NELL1: variants seen among roughly 807,000 people sequenced by gnomAD.
NELL1 encodes the protein neural EGFL like 1, also known as protein kinase C-binding protein NELL1.
Under a neutral mutation model 107.4 loss-of-function variants are expected in NELL1, and 76 were observed. The ratio of observed to expected loss-of-function variants is 0.71; its 90% confidence interval spans 0.59 to 0.86. NELL1 has a LOEUF of 0.86. Among genes scored for constraint, NELL1 ranks in the 40% least tolerant of loss-of-function variants. The probability of loss-of-function intolerance (pLI) is 0.00; values close to 1 mark genes in which losing one functional copy is unlikely to be tolerated. For synonymous variants in NELL1, 353 were observed against 341.2 expected (o/e 1.03, Z -0.38); for missense variants, 1,024 against 1,005.5 (o/e 1.02, Z -0.25).
At chr11:21,562,942 A>C (rs1383611239) in intron 17 of NELL1, among the ~76,000 whole-genome samples, 5 of 152,082 alleles carry the variant, frequency 3.3e-5, no homozygotes. Context: ...CCACAGATGA[A>C]TAGAGTTCAA....
chr11:21,124,251 T>TC (rs1565072179), intron 13 of NELL1, among the ~76,000 whole-genome samples: 1 of 152,090 alleles, frequency 6.6e-6, no homozygotes, highest in Admixed American at 6.6e-5. Flanking sequence ...TGAGTTTTTT[T>TC]CCCCCCGAAG....
intron 12 of NELL1, among the ~76,000 whole-genome samples, chr11:21,062,769 AG>A (rs1853772447): frequency 1.3e-5 from 2 of 152,264 alleles, no homozygotes; most frequent in South Asian, 4.1e-4. Context: ...CACAGAATTC[AG>A]GCAAGTTCTA....
chr11:21,174,832 C>T lies in NELL1; in HGVS notation c.1427-54500C>T, dbSNP rs368967196. Among the ~76,000 whole-genome samples, 29 of 151,730 alleles carry T rather than the reference C, an allele frequency of 1.9e-4. 1 individual carries two copies. Among genetic ancestry groups the T allele is most frequent in the East Asian group, 1.2e-3 (6 of 5,186 alleles). ...AATTAATTCCTATAATCTAACTCCA[C>T]TTCTGTCATTCCCTCTCCATAACTG... On this transcript the variant is annotated intron_variant, in intron 13 of 19. Transcript: ENST00000357134.
chr11:21,471,883 T>C (rs921962252), intron 15 of NELL1, among the ~76,000 whole-genome samples: 1 of 152,102 alleles, frequency 6.6e-6, no homozygotes, highest in African/African-American at 2.4e-5. Flanking sequence ...CTTCTAATTG[T>C]GTACAGAAAG....
chr11:21,529,495 G>C (rs904199831), intron 15 of NELL1, among the ~76,000 whole-genome samples: 2 of 152,148 alleles, frequency 1.3e-5, no homozygotes, highest in South Asian at 4.1e-4. Flanking sequence ...GTTTGTGTTT[G>C]CTGTACTTGT....
intron 13 of NELL1, among the ~76,000 whole-genome samples, chr11:21,165,378 C>T (rs550155132): frequency 1.3e-5 from 2 of 152,270 alleles, no homozygotes; most frequent in East Asian, 3.9e-4. Context: ...CTTCAACTCC[C>T]CCTTAGGATC....
chr11:20,687,955 T>C (rs1276084735), intron 2 of NELL1, among the ~76,000 whole-genome samples: 2 of 152,156 alleles, frequency 1.3e-5, no homozygotes, highest in Non-Finnish European at 2.9e-5. Flanking sequence ...TTTAACTAAG[T>C]AGTCTGTTTT....
At chr11:20,673,408 T>G (rs975556069) in intron 1 of NELL1, among the ~76,000 whole-genome samples, 1 of 152,182 alleles carries the variant, frequency 6.6e-6, no homozygotes, top group African/African-American at 2.4e-5. Flanking sequence ...TGGAGCATTT[T>G]TTTAGTCTGC....
chr11:21,065,138 C>T, intron 12 of NELL1, among the ~76,000 whole-genome samples: 1 of 151,816 alleles, frequency 6.6e-6, no homozygotes, highest in East Asian at 1.9e-4. Flanking sequence ...TTTATAGGCT[C>T]CTAAAAACCT....
At chr11:20,931,835 G>A (rs934431109) in intron 9 of NELL1, among the ~76,000 whole-genome samples, 1 of 151,362 alleles carries the variant, frequency 6.6e-6, no homozygotes, top group South Asian at 2.1e-4. Flanking sequence ...TCTTATATGT[G>A]AATTTAAAGA....
chr11:20,730,447 T>G (rs1855613100), intron 2 of NELL1, among the ~76,000 whole-genome samples: 1 of 152,182 alleles, frequency 6.6e-6, no homozygotes, highest in African/African-American at 2.4e-5. Context: ...TCCATTGTAT[T>G]TCATTCTCAT....
At chr11:21,121,781 C>T (rs1006499217) in intron 13 of NELL1, among the ~76,000 whole-genome samples, 5 of 151,908 alleles carry the variant, frequency 3.3e-5, no homozygotes, top group South Asian at 2.1e-4. Context: ...AATAAAAGAA[C>T]GAAACAGAAA....
chr11:21,012,163 C>T (rs548943109), intron 12 of NELL1, among the ~76,000 whole-genome samples: 8 of 152,226 alleles, frequency 5.3e-5, no homozygotes, highest in Non-Finnish European at 8.8e-5. Context: ...CAGTTGCTGC[C>T]GCACTACAGT....
intron 11 of NELL1, among the ~76,000 whole-genome samples, chr11:20,958,869 C>T (rs1851231673): frequency 6.6e-6 from 1 of 152,160 alleles, no homozygotes; most frequent in African/African-American, 2.4e-5. Flanking sequence ...CTCAAATGTC[C>T]ATCCATGGTA....
At chr11:21,218,491 G>A (rs1368510363) in intron 13 of NELL1, among the ~76,000 whole-genome samples, 2 of 152,002 alleles carry the variant, frequency 1.3e-5, no homozygotes, top group Non-Finnish European at 2.9e-5. Flanking sequence ...TTTGTGTTAG[G>A]AAAATTCAAA....
At chr11:21,527,241 AC>A (rs1374835041) in intron 15 of NELL1, among the ~76,000 whole-genome samples, 1 of 152,104 alleles carries the variant, frequency 6.6e-6, no homozygotes, top group Non-Finnish European at 1.5e-5. Context: ...ATCTGAGACC[AC>A]CTCAGCCTGG....
chr11:21,319,703 A>G lies in NELL1; in HGVS notation c.1550-51150A>G, dbSNP rs566449816. On this transcript the variant is annotated intron_variant, in intron 14 of 19. Transcript: ENST00000357134. ...GGTGGCTCATGCCTGTAATCCCAGCACTTTGGGAGGCCGAGGCAGGTGGAT... is the reference window on the plus strand; with the variant it reads ...GGTGGCTCATGCCTGTAATCCCAGCGCTTTGGGAGGCCGAGGCAGGTGGAT... Among the ~76,000 whole-genome samples the G allele has an allele frequency of 2.0e-5, 3 of 151,770 alleles. No individual in the cohort carries two copies. In the East Asian group the frequency reaches 5.9e-4, roughly 30 times the overall value.
Position 21,573,418 on chromosome 11 carries a change from A to C in NELL1, c.2382+9A>C, listed in dbSNP as rs781500066. ...CAACCTGTAAATGCAAGGTAATTGG[A>C]TGTTCTGCGGATATTGAAGCCTTGA... On this transcript the variant is annotated intron_variant, in intron 19 of 19. Transcript: ENST00000357134. 2 of 1,608,848 alleles carry C rather than the reference A, an allele frequency of 1.2e-6. No homozygotes were observed. The highest frequency in any genetic ancestry group is 1.7e-6 in the Non-Finnish European group (2 of 1,176,776).
At chr11:20,952,445 C>G (rs1851087838) in intron 11 of NELL1, among the ~76,000 whole-genome samples, 1 of 152,080 alleles carries the variant, frequency 6.6e-6, no homozygotes, top group Non-Finnish European at 1.5e-5. Context: ...CCCAGTCTTC[C>G]TCATTGTTTT....
Sources: gnomAD v4.1 joint callset for allele counts (sites outside exome capture counted in the v4.1 genomes callset) on GRCh38, gnomAD v4.1.1 for gene constraint, MANE v1.5 for transcripts, NCBI Gene and HGNC (gene_info 2026-07-23, HGNC 2026-07-21) for gene names.